Variants in PDE1C observed in about 807,000 individuals in gnomAD.
PDE1C encodes the protein phosphodiesterase 1C.
PDE1C carries 62 observed loss-of-function variants against 93.1 expected under a neutral mutation model. The observed-to-expected ratio is 0.67, with a 90% CI of 0.54 to 0.82. The LOEUF (loss-of-function observed/expected upper bound fraction) is 0.82. PDE1C is among the 40% of genes least tolerant of loss of function. The pLI is 0.00. For missense variants in PDE1C, 742 were observed against 884.6 expected, an observed-to-expected ratio of 0.84 and a Z score of 2.04; for synonymous variants, 325 against 310.1, an observed-to-expected ratio of 1.05 and a Z score of -0.50.
chr7:32,126,320 C>G (rs1486763339), intron 3 of PDE1C, among the ~76,000 whole-genome samples: 1 of 151,962 alleles, frequency 6.6e-6, no homozygotes, highest in Non-Finnish European at 1.5e-5. Flanking sequence ...GAAACTGAGA[C>G]CAAGAAAAAT....
chr7:31,690,146 G>C, the PDE1C span, among the ~76,000 whole-genome samples: 3 of 152,160 alleles, frequency 2.0e-5, no homozygotes, highest in African/African-American at 7.2e-5. Flanking sequence ...AGGAGGCCTG[G>C]ACCTCCCGTG....
intron 1 of PDE1C, among the ~76,000 whole-genome samples, chr7:32,245,512 T>A (rs1808861180): frequency 6.6e-6 from 1 of 152,160 alleles, no homozygotes; most frequent in South Asian, 2.1e-4. Context: ...TTTCGCCACC[T>A]TCCCCTCCTC....
At chr7:32,014,288 A>C (rs1278391507) in intron 2 of PDE1C, among the ~76,000 whole-genome samples, 1 of 94,426 alleles carries the variant, frequency 1.1e-5, no homozygotes, top group South Asian at 3.9e-4. Context: ...AAACATTTAA[A>C]AGCTATAACG....
At chr7:31,878,435 A>G (rs1181349133) in intron 4 of PDE1C, among the ~76,000 whole-genome samples, 1 of 152,230 alleles carries the variant, frequency 6.6e-6, no homozygotes, top group Non-Finnish European at 1.5e-5. Context: ...GTCAAAAACA[A>G]GAAGGAAAAA....
chr7:32,176,241 A>G (rs1802978669), intron 2 of PDE1C, among the ~76,000 whole-genome samples: 1 of 152,224 alleles, frequency 6.6e-6, no homozygotes, highest in Non-Finnish European at 1.5e-5. Flanking sequence ...TCCCAAAGCG[A>G]AAGATCTCTA....
intron 1 of PDE1C, among the ~76,000 whole-genome samples, chr7:32,397,871 T>A (rs562039602): frequency 4.9e-4 from 73 of 147,544 alleles, no homozygotes; most frequent in Middle Eastern, 7.1e-3. Flanking sequence ...AAAAAAAAAA[T>A]TAGCCGGGCA....
At chr7:31,882,528 A>ACC (rs769789180) in intron 2 of PDE1C, among the ~76,000 whole-genome samples, 1 of 152,100 alleles carries the variant, frequency 6.6e-6, no homozygotes, top group Non-Finnish European at 1.5e-5. Flanking sequence ...GTGCCCAGCT[A>ACC]TCCCCTAGGC....
At chr7:32,370,224 C>T (rs1376754622) in intron 1 of PDE1C, among the ~76,000 whole-genome samples, 5 of 152,032 alleles carry the variant, frequency 3.3e-5, no homozygotes, top group Admixed American at 6.5e-5. Flanking sequence ...CCGAGGAGGG[C>T]GGATCACGAG....
intron 16 of PDE1C, among the ~76,000 whole-genome samples, chr7:31,795,526 C>T (rs1785179268): frequency 1.3e-5 from 2 of 151,774 alleles, no homozygotes; most frequent in Non-Finnish European, 2.9e-5. Flanking sequence ...AGTAGTTCCA[C>T]AAAGTATCTA....
At chr7:31,622,017 C>G in the PDE1C span, among the ~76,000 whole-genome samples, 2 of 141,812 alleles carry the variant, frequency 1.4e-5, no homozygotes, top group Non-Finnish European at 3.1e-5. Context: ...AAGGCCATTA[C>G]ATAATGGTAA....
In PDE1C at chr7:31,794,136, A is replaced by G. The variant is rs28631899; in HGVS notation, c.1891+14895T>C. 4.2e-3 allele frequency among the ~76,000 whole-genome samples: 629 copies of G among 150,820 alleles called. 4 individuals carry two copies. The highest frequency in any genetic ancestry group is 0.013 in the African/African-American group (540 of 40,892). On this transcript the variant is annotated intron_variant, in intron 16 of 17. Transcript: ENST00000396191. Reference sequence around the variant, plus strand: ...GGCAGGCGGGCAGGCAGGCAGGCAGACAGACAGACAGACAGACAGAAGACA... The same window carrying G: ...GGCAGGCGGGCAGGCAGGCAGGCAGGCAGACAGACAGACAGACAGAAGACA...
chr7:32,349,745 T>A (rs1783922261), intron 1 of PDE1C, among the ~76,000 whole-genome samples: 1 of 152,140 alleles, frequency 6.6e-6, no homozygotes, highest in Admixed American at 6.5e-5. Flanking sequence ...TTCTTCTGCC[T>A]GAGCCTCCCA....
chr7:31,658,390 T>C, the PDE1C span: 6 of 1,495,344 alleles, frequency 4.0e-6, no homozygotes, highest in East Asian at 1.2e-4. Context: ...TGGTCTGTTG[T>C]AATTGTTTTT....
intron 3 of PDE1C, among the ~76,000 whole-genome samples, chr7:32,089,354 C>A (rs892876895): frequency 6.6e-6 from 1 of 151,996 alleles, no homozygotes; most frequent in African/African-American, 2.4e-5. Flanking sequence ...CCTACAGAAC[C>A]CTGGGGCCTC....
intron 1 of PDE1C, among the ~76,000 whole-genome samples, chr7:32,058,612 G>A (rs1282135956): frequency 1.3e-5 from 2 of 152,102 alleles, no homozygotes; most frequent in Non-Finnish European, 2.9e-5. Context: ...TACTGAGAAT[G>A]GAAAGTCTTT....
chr7:32,330,901 C>T (rs1388625159), intron 1 of PDE1C, among the ~76,000 whole-genome samples: 5 of 152,212 alleles, frequency 3.3e-5, no homozygotes, highest in African/African-American at 9.6e-5. Flanking sequence ...TCCACAAGGC[C>T]ATCGGTCCCC....
At chr7:31,651,854 A>G in the PDE1C span, 9 of 894,426 alleles carry the variant, frequency 1.0e-5, no homozygotes, top group Non-Finnish European at 1.6e-5. Flanking sequence ...ATTGCAAAGG[A>G]AGAACCTATA....
At chr7:32,320,558 T>C (rs368426283) in intron 1 of PDE1C, among the ~76,000 whole-genome samples, 11 of 152,240 alleles carry the variant, frequency 7.2e-5, no homozygotes, top group Admixed American at 3.3e-4. Flanking sequence ...TGCAAGGAAT[T>C]GTTCTAGGAA....
chr7:31,867,110 C>G (rs1412932300), intron 6 of PDE1C, among the ~76,000 whole-genome samples: 1 of 152,110 alleles, frequency 6.6e-6, no homozygotes, highest in African/African-American at 2.4e-5. Flanking sequence ...CTGCCTGCAG[C>G]CACAACTGTG....
Sources: allele counts gnomAD v4.1 joint callset (sites outside exome capture counted in the v4.1 genomes callset), GRCh38; gene constraint gnomAD v4.1.1; transcripts MANE v1.5; gene names NCBI Gene and HGNC (gene_info 2026-07-23, HGNC 2026-07-21).